The following PUDP variants were observed in gnomAD, a reference collection of about 807,000 sequenced individuals.
The protein encoded by PUDP is pseudouridine 5'-phosphatase, also known as pseudouridine-5'-phosphatase.
PUDP carries 8 observed loss-of-function variants against 9.4 expected under a neutral mutation model. That is an observed-to-expected ratio of 0.85 (90% CI 0.50 to 1.53). The LOEUF is 1.53. PUDP is among the 40% of genes most tolerant of loss of function. PUDP has a pLI of 0.00. For synonymous variants in PUDP, 99 were observed against 80.7 expected, an observed-to-expected ratio of 1.23 and a Z score of -1.22; for missense variants, 188 against 189.7, an observed-to-expected ratio of 0.99 and a Z score of 0.05.
intron 3 of PUDP, among the ~76,000 whole-genome samples, chrX:6,851,539 C>T (rs144821879): frequency 2.7e-5 from 3 of 111,514 alleles, no homozygotes; most frequent in African/African-American, 9.7e-5. Context: ...AGATGCTATG[C>T]ATATACAATA....
chrX:7,143,672 C>A (rs1274177345), intron 1 of PUDP, among the ~76,000 whole-genome samples: 5 of 112,257 alleles, frequency 4.5e-5, no homozygotes, highest in African/African-American at 1.6e-4. Flanking sequence ...GTTTCTCCAA[C>A]ATACAATATA....
intron 3 of PUDP, among the ~76,000 whole-genome samples, chrX:6,811,384 G>A (rs965566565): frequency 1.1e-4 from 12 of 110,264 alleles, no homozygotes; most frequent in Non-Finnish European, 2.3e-4. Context: ...GTGTGACCTC[G>A]GCTCACTGCA....
chrX:6,881,181 T>C (rs1212704027), intron 3 of PUDP, among the ~76,000 whole-genome samples: 1 of 111,812 alleles, frequency 8.9e-6, no homozygotes, highest in Non-Finnish European at 1.9e-5. Context: ...TGTAAGCAAA[T>C]TGAATTTCCT....
chrX:6,854,723 T>C (rs1054656073), intron 3 of PUDP, among the ~76,000 whole-genome samples: 27 of 110,997 alleles, frequency 2.4e-4, no homozygotes, highest in Non-Finnish European at 4.7e-4. Flanking sequence ...TACTATTCAT[T>C]TGATGGAAGT....
intron 3 of PUDP, among the ~76,000 whole-genome samples, chrX:6,866,124 A>G (rs973224983): frequency 5.5e-5 from 6 of 109,208 alleles, no homozygotes; most frequent in Admixed American, 2.0e-4. Flanking sequence ...ATGTCTTGCT[A>G]TGTTGCCTAA....
intron 1 of PUDP, among the ~76,000 whole-genome samples, chrX:6,987,564 A>G (rs1208639156): frequency 1.8e-5 from 2 of 112,350 alleles, no homozygotes; most frequent in African/African-American, 6.5e-5. Context: ...TACATTGTAT[A>G]TCGTGACCCA....
intron 3 of PUDP, among the ~76,000 whole-genome samples, chrX:6,922,913 G>A (rs905372868): frequency 1.4e-4 from 16 of 112,016 alleles, no homozygotes; most frequent in African/African-American, 4.2e-4. Context: ...TACATCACAT[G>A]CTTCTGTTCT....
intron 1 of PUDP, among the ~76,000 whole-genome samples, chrX:7,023,395 G>A (rs1929660695): frequency 8.9e-6 from 1 of 112,199 alleles, no homozygotes; most frequent in Non-Finnish European, 1.9e-5. Flanking sequence ...GACTCGGAAT[G>A]GATGCATATG....
intron 3 of PUDP, among the ~76,000 whole-genome samples, chrX:6,887,973 C>T (rs748335132): frequency 1.3e-3 from 142 of 111,603 alleles, no homozygotes; most frequent in African/African-American, 4.2e-3. Flanking sequence ...CAGTCTCGCC[C>T]AAACCACAGG....
At chrX:6,839,961 C>T (rs1203950024) in intron 3 of PUDP, among the ~76,000 whole-genome samples, 5 of 110,417 alleles carry the variant, frequency 4.5e-5, no homozygotes, top group African/African-American at 1.7e-4. Context: ...TTATAATTGC[C>T]AAATCTTGGA....
At chrX:7,146,567 C>T (rs1270323661) in intron 1 of PUDP, among the ~76,000 whole-genome samples, 1 of 110,818 alleles carries the variant, frequency 9.0e-6, no homozygotes, top group African/African-American at 3.3e-5. Flanking sequence ...GTGACCTCTA[C>T]GGGGATTTTT....
chrX:6,836,511 C>CAACAATGT (rs1346174568), intron 3 of PUDP, among the ~76,000 whole-genome samples: 1 of 112,098 alleles, frequency 8.9e-6, no homozygotes, highest in Non-Finnish European at 1.9e-5. Flanking sequence ...GCAGAGAACA[C>CAACAATGT]AACAATGTTG....
At chrX:6,815,738 CTAAT>C (rs1326940594) in intron 3 of PUDP, among the ~76,000 whole-genome samples, 1 of 110,037 alleles carries the variant, frequency 9.1e-6, no homozygotes, top group African/African-American at 3.3e-5. Flanking sequence ...TTGAAATCCT[CTAAT>C]TAAAAACTCA....
intron 3 of PUDP, among the ~76,000 whole-genome samples, chrX:6,906,246 C>T (rs2146754934): frequency 9.0e-6 from 1 of 111,686 alleles, no homozygotes; most frequent in East Asian, 2.8e-4. Flanking sequence ...TGGTGGCCCT[C>T]TCAGCTTCAT....
intron 3 of PUDP, among the ~76,000 whole-genome samples, chrX:6,923,299 C>T (rs1288473497): frequency 9.0e-6 from 1 of 111,533 alleles, no homozygotes; most frequent in East Asian, 2.8e-4. Context: ...TTCAGCCTCA[C>T]GGTTTTAAAT....
At chrX:6,761,778 C>T (rs1398702849) in intron 3 of PUDP, among the ~76,000 whole-genome samples, 1 of 111,891 alleles carries the variant, frequency 8.9e-6, no homozygotes, top group Non-Finnish European at 1.9e-5. Flanking sequence ...GCATCTGCAG[C>T]AGAAGAGGAA....
intron 3 of PUDP, among the ~76,000 whole-genome samples, chrX:6,974,782 C>T (rs1016195311): frequency 2.7e-5 from 3 of 111,554 alleles, no homozygotes; most frequent in Non-Finnish European, 5.6e-5. Flanking sequence ...GGGAATTTCT[C>T]CTGGATAATA....
At chrX:6,853,185 C>T (rs1242228968) in intron 3 of PUDP, among the ~76,000 whole-genome samples, 2 of 111,318 alleles carry the variant, frequency 1.8e-5, no homozygotes, top group Non-Finnish European at 3.8e-5. Context: ...TAGGCAAGCC[C>T]CCCTGTGCAA....
intron 1 of PUDP, among the ~76,000 whole-genome samples, chrX:7,028,442 G>T (rs992332388): frequency 2.7e-5 from 3 of 111,304 alleles, no homozygotes; most frequent in Non-Finnish European, 5.7e-5. Context: ...CACTAAAGCT[G>T]GCATGAGAGG....
Sources: gnomAD v4.1 joint callset for allele counts (sites outside exome capture counted in the v4.1 genomes callset) on GRCh38, gnomAD v4.1.1 for gene constraint, MANE v1.5 for transcripts, NCBI Gene and HGNC (gene_info 2026-07-23, HGNC 2026-07-21) for gene names.